Variants in KCNV2 observed in about 807,000 individuals in gnomAD.
KCNV2 encodes potassium voltage-gated channel subfamily V member 2.
A neutral mutation model predicts 37.0 loss-of-function variants in KCNV2; 65 were observed. The observed-to-expected ratio is 1.76, with a 90% CI of 1.44 to 2.16. The LOEUF is 2.16. Ranked by LOEUF, KCNV2 falls within the 30% of genes most tolerant of loss-of-function variation. KCNV2 has a pLI of 0.00. For synonymous variants in KCNV2, 518 were observed against 328.6 expected (o/e 1.58, Z -6.23); for missense variants, 1,232 against 766.7 (o/e 1.61, Z -7.17).
At position 2,718,515 on chromosome 9, in the gene KCNV2, C is replaced by A. The variant is rs1392404765; in HGVS notation, c.776C>A (p.Ala259Asp). The change falls in exon 1 of 2, where the codon GCC becomes GAC. Residue 259 changes from alanine (A) to aspartate (D), a missense_variant. By Grantham distance (126) the Ala-to-Asp change is moderately radical (BLOSUM62 -2). Transcript: ENST00000382082. ...GAGAAGCCATTCTCCTCGGTGGCCG[C>A]CAAGGCCATCGGGGTGGCCTCCAGC... is the stretch of plus-strand genomic sequence containing the variant. Reference protein sequence around the residue: ...LMEKPFSSVAAKAIGVASSTF... With the variant: ...LMEKPFSSVADKAIGVASSTF... 6.2e-7 allele frequency: 1 copy of A among 1,610,874 alleles called. No homozygotes were observed. Among genetic ancestry groups the A allele is most frequent in the East Asian group, 2.2e-5 (1 of 44,756 alleles).
intron 1 of KCNV2, among the ~76,000 whole-genome samples, chr9:2,722,341 ATAAAT>A (rs1819890622): frequency 1.5e-5 from 2 of 137,704 alleles, no homozygotes; most frequent in African/African-American, 5.8e-5. Flanking sequence ...TTATTTATAA[ATAAAT>A]TAGAAGTTAT....
chr9:2,728,909 AAGAG>A lies in KCNV2; in HGVS notation c.1357-526_1357-523del, dbSNP rs370059688. On this transcript the variant is annotated intron_variant, in intron 1 of 1. Transcript: ENST00000382082. ...AAAAAAAAAAAAAGAAAAAAAGAAA[AAGAG>A]AGAGAGAGAGTCTGAAGGTTTTGCC... Among the ~76,000 whole-genome samples the A allele has an allele frequency of 2.8e-3, 420 of 151,366 alleles. 4 individuals are homozygous for A. The highest frequency in any genetic ancestry group is 9.2e-3 in the African/African-American group (381 of 41,236).
intron 1 of KCNV2, among the ~76,000 whole-genome samples, chr9:2,726,814 C>G (rs1192203265): frequency 6.6e-6 from 1 of 152,174 alleles, no homozygotes; most frequent in Non-Finnish European, 1.5e-5. Context: ...TGCCTCCTGT[C>G]AGATCAACCA....
At chr9:2,722,219 AG>A (rs1819886294) in intron 1 of KCNV2, among the ~76,000 whole-genome samples, 1 of 144,620 alleles carries the variant, frequency 6.9e-6, no homozygotes, top group Non-Finnish European at 1.5e-5. Context: ...ATAAATTAGA[AG>A]TTATTTATTT....
rs370789466 is a variant in KCNV2, at chr9:2,719,090, G to T, written c.1351G>T (p.Ala451Ser). The change falls in exon 1 of 2, where the codon GCC becomes TCC. Residue 451 changes from alanine to serine, a missense_variant. By Grantham distance (99) the Ala-to-Ser change is moderately conservative. Transcript: ENST00000382082. The part of the protein sequence containing the change: ...FTTIPHSWWW[A>S]AVSISTVGYG... ...TACCATCCCCCACTCCTGGTGGTGG[G>T]CCGCGGTGAGTACCTTTGCCCTGGG... The T allele has an allele frequency of 1.2e-5, 20 of 1,609,008 alleles. No individual in the cohort carries two copies. Among genetic ancestry groups the T allele is most frequent in the African/African-American group, 2.7e-5 (2 of 74,914 alleles).
Position 2,717,784 on chromosome 9 carries a change from C to A in KCNV2, c.45C>A (p.Pro15=). The A allele has an allele frequency of 6.2e-7, 1 of 1,614,212 alleles. No homozygotes were observed. Among genetic ancestry groups the A allele is most frequent in the South Asian group, 1.1e-5 (1 of 91,078 alleles). Residue 15 remains proline (P), a synonymous_variant, in exon 1 of 2, where the codon CCC becomes CCA. Transcript: ENST00000382082. ...GGAGACGGTCCTGGAGCTACAGGCC[C>A]TGGAACACGACGGAGAATGAGGGCA... The part of the protein sequence containing the change: ...SERRRSWSYR[P]WNTTENEGSQ...
intron 1 of KCNV2, among the ~76,000 whole-genome samples, chr9:2,729,081 G>A (rs931325160): frequency 2.6e-5 from 4 of 152,062 alleles, no homozygotes; most frequent in Non-Finnish European, 5.9e-5. Context: ...CTGAGTTAGG[G>A]AGGCAAAGAT....
chr9:2,728,971 G>T (rs1039406151), intron 1 of KCNV2, among the ~76,000 whole-genome samples: 1 of 152,014 alleles, frequency 6.6e-6, no homozygotes, highest in Admixed American at 6.6e-5. Context: ...TTCAGAGTCA[G>T]GACTTGAACC....
Position 2,718,170 on chromosome 9 carries a change from A to G in KCNV2, c.431A>G (p.Glu144Gly), listed in dbSNP as rs945133207. Reference protein sequence around the residue: ...RQLSLCDDYEEQTDEYFFDRD... With the variant: ...RQLSLCDDYEGQTDEYFFDRD... ...CTAAGCCTGTGCGACGACTACGAGGAGCAGACAGACGAATACTTCTTCGAC... is the reference window on the plus strand; with the variant it reads ...CTAAGCCTGTGCGACGACTACGAGGGGCAGACAGACGAATACTTCTTCGAC... The change falls in exon 1 of 2, where the codon GAG (glutamate) becomes GGG (glycine). Residue 144 changes from glutamate (E) to glycine (G), a missense_variant. Glu to Gly is a moderately conservative substitution (Grantham distance 98). Transcript: ENST00000382082. 17 of 1,612,990 alleles carry G rather than the reference A, an allele frequency of 1.1e-5. No individual in the cohort carries two copies. Among genetic ancestry groups the G allele is most frequent in the African/African-American group, 1.3e-5 (1 of 74,908 alleles).
chr9:2,718,831 G>A lies in KCNV2; in HGVS notation c.1092G>A (p.Gln364=), dbSNP rs267602205. ...CFTGEGHQRG[Q]TVGSVGKVGQ... The stretch of plus-strand genomic sequence containing the variant: ...CGGGCGAGGGCCACCAACGCGGCCA[G>A]ACGGTGGGCAGCGTGGGTAAGGTGG... Residue 364 remains glutamine (Q), a synonymous_variant, in exon 1 of 2, where the codon CAG becomes CAA. Transcript: ENST00000382082. 2 of 1,609,726 alleles carry A rather than the reference G, an allele frequency of 1.2e-6. No individual in the cohort carries two copies. Among genetic ancestry groups the A allele is most frequent in the African/African-American group, 2.7e-5 (2 of 74,950 alleles).
intron 1 of KCNV2, among the ~76,000 whole-genome samples, chr9:2,726,715 G>T (rs1293813577): frequency 6.6e-6 from 1 of 152,144 alleles, no homozygotes; most frequent in East Asian, 1.9e-4. Context: ...ATCCCGGGCT[G>T]TGGAGTGGTA....
At chr9:2,719,973 C>T (rs1234127210) in intron 1 of KCNV2, among the ~76,000 whole-genome samples, 1 of 152,126 alleles carries the variant, frequency 6.6e-6, no homozygotes, top group African/African-American at 2.4e-5. Context: ...TAGCTGAATC[C>T]CTGGAAATAA....
In KCNV2 at chr9:2,729,733, T is replaced by C. The variant is rs41306094; in HGVS notation, c.*6T>C. 124,095 of 1,612,442 alleles carry C rather than the reference T, an allele frequency of 0.077. 5,597 individuals carry two copies. Among genetic ancestry groups the C allele is most frequent in the African/African-American group, 0.16 (12,150 of 74,866 alleles). On this transcript the variant is annotated 3_prime_UTR_variant, in exon 2 of 2. Transcript: ENST00000382082. ...CCCCAAGACAAGAGAATTAGTATTT[T>C]ATAGGACATGTGGCTGGTAGATTCC...
rs368278044 is a variant in KCNV2 at position 2,729,273 on chromosome 9, A to G, written c.1357-173A>G. ...ATCCATAGCTTCTGTTCTTTTCATGACACAGGTCCTAGAGGGAGTCTTCCT... is the reference window on the plus strand; with the variant it reads ...ATCCATAGCTTCTGTTCTTTTCATGGCACAGGTCCTAGAGGGAGTCTTCCT... On this transcript the variant is annotated intron_variant, in intron 1 of 1. Transcript: ENST00000382082. Among the ~76,000 whole-genome samples the G allele has an allele frequency of 6.6e-5, 10 of 152,114 alleles. No individual in the cohort carries two copies. In the East Asian group the frequency reaches 1.3e-3, roughly 21 times the overall value.
Position 2,718,354 on chromosome 9 carries a change from G to C in KCNV2, c.615G>C (p.Glu205Asp), listed in dbSNP as rs777604386. 2 of 1,599,664 alleles carry C rather than the reference G, an allele frequency of 1.3e-6. No individual in the cohort carries two copies. Among genetic ancestry groups the C allele is most frequent in the Admixed American group, 1.7e-5 (1 of 57,762 alleles). ...GCTGCTGCCGCATCTGCTTCGAGGAGCGGCGCGACGAGCTGAGCGAACGGC... is the reference window on the plus strand; with the variant it reads ...GCTGCTGCCGCATCTGCTTCGAGGACCGGCGCGACGAGCTGAGCGAACGGC... ...TPRCCRICFEERRDELSERLK... is the reference protein window; with the variant it reads ...TPRCCRICFEDRRDELSERLK... The change falls in exon 1 of 2, where the codon GAG (glutamate) becomes GAC (aspartate). Residue 205 changes from glutamate (E) to aspartate (D), a missense_variant. Transcript: ENST00000382082.
intron 1 of KCNV2, among the ~76,000 whole-genome samples, chr9:2,719,373 C>T (rs925686565): frequency 6.6e-6 from 1 of 152,112 alleles, no homozygotes; most frequent in Non-Finnish European, 1.5e-5. Context: ...AAAGAAGATG[C>T]GTCATCATTA....
In KCNV2 at chr9:2,729,698, C is replaced by T. The variant is rs757778905; in HGVS notation, c.1609C>T (p.Pro537Ser). Reference sequence around the variant, plus strand: ...AGCTGAGTGTTTGCTTGGAAGCAACCCACAGCTCACCCCAAGACAAGAGAA... The same window carrying T: ...AGCTGAGTGTTTGCTTGGAAGCAACTCACAGCTCACCCCAAGACAAGAGAA... ...KIAECLLGSN[P>S]QLTPRQEN The change falls in exon 2 of 2, where the codon CCA becomes TCA. Residue 537 changes from proline (P) to serine (S), a missense_variant. Transcript: ENST00000382082. The T allele has an allele frequency of 2.1e-5, 34 of 1,613,902 alleles. 2 individuals carry two copies. The South Asian group carries it at 3.6e-4, about 17-fold the overall frequency.
At chr9:2,726,224 T>G (rs1819965289) in intron 1 of KCNV2, among the ~76,000 whole-genome samples, 1 of 152,188 alleles carries the variant, frequency 6.6e-6, no homozygotes, top group Non-Finnish European at 1.5e-5. Context: ...CAAGGAATCC[T>G]GAGTTCCTCC....
intron 1 of KCNV2, among the ~76,000 whole-genome samples, chr9:2,722,504 T>TAAGTTATTTATAAATAA (rs1159529619): frequency 3.7e-5 from 5 of 135,752 alleles, no homozygotes; most frequent in Admixed American, 3.6e-4. Flanking sequence ...TATTTATAAA[T>TAAGTTATTTATAAATAA]AAGTTATTTA....
Sources: allele counts gnomAD v4.1 joint callset (sites outside exome capture counted in the v4.1 genomes callset), GRCh38; gene constraint gnomAD v4.1.1; transcripts MANE v1.5; gene names NCBI Gene and HGNC (gene_info 2026-07-23, HGNC 2026-07-21).